HLCS: variants seen among roughly 807,000 people sequenced by gnomAD.
The protein encoded by HLCS is biotin--protein ligase.
A neutral mutation model predicts 75.0 loss-of-function variants in HLCS; 53 were observed. The ratio of observed to expected loss-of-function variants is 0.71; its 90% confidence interval spans 0.57 to 0.89. The LOEUF (loss-of-function observed/expected upper bound fraction) is 0.89. Ranked by LOEUF, HLCS falls within the 40% of genes least tolerant of loss-of-function variation. The pLI, the probability that HLCS is intolerant of heterozygous loss-of-function variation, is 0.00. For synonymous variants in HLCS, 431 were observed against 428.6 expected, an observed-to-expected ratio of 1.01 and a Z score of -0.07; for missense variants, 966 against 1,074.0, an observed-to-expected ratio of 0.90 and a Z score of 1.41.
chr21:36,825,733 C>T (rs1165939173), intron 6 of HLCS, among the ~76,000 whole-genome samples: 4 of 152,184 alleles, frequency 2.6e-5, no homozygotes, highest in South Asian at 4.1e-4. Context: ...CATCTCCAGA[C>T]GTCGGCAATG....
At chr21:36,854,413 A>G (rs901740502) in intron 6 of HLCS, among the ~76,000 whole-genome samples, 14 of 152,208 alleles carry the variant, frequency 9.2e-5, no homozygotes, top group Non-Finnish European at 1.8e-4. Flanking sequence ...ATGCTCATTT[A>G]AAAAGCTCAT....
intron 6 of HLCS, among the ~76,000 whole-genome samples, chr21:36,785,314 G>C (rs1428685813): frequency 1.3e-5 from 2 of 152,144 alleles, no homozygotes; most frequent in Admixed American, 6.5e-5. Flanking sequence ...TTCAGGCAGG[G>C]CTTTGCTCCA....
chr21:36,942,256 G>A (rs1051257460), intron 2 of HLCS, among the ~76,000 whole-genome samples: 7 of 151,992 alleles, frequency 4.6e-5, no homozygotes, highest in South Asian at 2.1e-4. Context: ...ATAGAGAAGC[G>A]TTAAAGACCT....
At chr21:36,916,077 C>T (rs944473792) in intron 5 of HLCS, among the ~76,000 whole-genome samples, 2 of 152,098 alleles carry the variant, frequency 1.3e-5, no homozygotes, top group Non-Finnish European at 2.9e-5. Flanking sequence ...GCTTGCATGA[C>T]AGTTTAATGG....
intron 1 of HLCS, among the ~76,000 whole-genome samples, chr21:36,977,162 T>C (rs987757517): frequency 2.6e-5 from 4 of 151,954 alleles, no homozygotes; most frequent in African/African-American, 7.3e-5. Flanking sequence ...CGGTCACAAA[T>C]TTTTTCTCTG....
At chr21:36,941,878 G>C (rs1478513147) in intron 2 of HLCS, among the ~76,000 whole-genome samples, 2 of 152,114 alleles carry the variant, frequency 1.3e-5, no homozygotes, top group African/African-American at 4.8e-5. Flanking sequence ...GTGCTGGCGG[G>C]TGCCTGTAAT....
chr21:36,903,265 GGAA>G (rs1601687935), intron 5 of HLCS, among the ~76,000 whole-genome samples: 1 of 151,928 alleles, frequency 6.6e-6, no homozygotes, highest in South Asian at 2.1e-4. Flanking sequence ...ATACTCTATT[GGAA>G]GAAGAAGAAG....
chr21:36,966,423 C>CCGG, intron 1 of HLCS, 21 bp downstream of exon 1: 3 of 458,622 alleles, frequency 6.5e-6, no homozygotes, highest in Non-Finnish European at 8.6e-6. Context: ...CCCGGGTCGC[C>CCGG]CGCCCGCCCG....
At position 36,896,929 on chromosome 21, in the gene HLCS, T is replaced by C; in HGVS notation, c.1823A>G (p.Gln608Arg). The C allele has an allele frequency of 1.2e-6, 2 of 1,614,206 alleles. No homozygotes were observed. Among genetic ancestry groups the C allele is most frequent in the Non-Finnish European group, 1.7e-6 (2 of 1,180,034 alleles). Residue 608 changes from glutamine (Q) to arginine (R), a missense_variant, in exon 6 of 11, where the codon CAG (glutamine) becomes CGG (arginine). Physicochemically the swap from Gln to Arg is conservative, Grantham distance 43. Transcript: ENST00000674895. ...FNLEIYRQNL[Q>R]TKQLGKVILF... is the part of the protein sequence containing the mutation. Reference sequence around the variant, plus strand: ...AATTACTTTCCCCAACTGCTTGGTCTGCAGATTTTGGCGATAGATCTCTAA... The same window carrying C: ...AATTACTTTCCCCAACTGCTTGGTCCGCAGATTTTGGCGATAGATCTCTAA...
intron 6 of HLCS, among the ~76,000 whole-genome samples, chr21:36,770,537 ATT>A: frequency 6.6e-6 from 1 of 151,142 alleles, no homozygotes; most frequent in East Asian, 1.9e-4. Flanking sequence ...CTATATTAAG[ATT>A]TTTTTTCTTT....
intron 6 of HLCS, among the ~76,000 whole-genome samples, chr21:36,862,936 T>C (rs2063429030): frequency 6.9e-6 from 1 of 145,890 alleles, no homozygotes; most frequent in South Asian, 2.2e-4. Context: ...TTGTCATTTC[T>C]CTTTCTCTCT....
chr21:36,966,712 G>T, upstream of HLCS: 5 of 759,264 alleles, frequency 6.6e-6, no homozygotes, highest in Non-Finnish European at 8.0e-6. Context: ...CGCCCCGGCC[G>T]GAAGGGCCGC....
intron 6 of HLCS, among the ~76,000 whole-genome samples, chr21:36,785,820 T>A (rs935381645): frequency 6.6e-6 from 1 of 152,214 alleles, no homozygotes; most frequent in African/African-American, 2.4e-5. Flanking sequence ...GCTTTAGGAC[T>A]CTGGATCTCA....
At chr21:36,962,313 A>C (rs1239621327) in intron 1 of HLCS, 143 bp from the exon 2 acceptor site, 2 of 475,336 alleles carry the variant, frequency 4.2e-6, no homozygotes, top group East Asian at 7.1e-5. Context: ...TGCAGGCCGC[A>C]GGAACCGTGT....
At chr21:36,900,229 C>T (rs1282200910) in intron 5 of HLCS, among the ~76,000 whole-genome samples, 1 of 152,082 alleles carries the variant, frequency 6.6e-6, no homozygotes, top group African/African-American at 2.4e-5. Flanking sequence ...GAGAGGGAGG[C>T]CACTTCAGAC....
At chr21:36,757,507 G>A (rs761886028) in intron 9 of HLCS, among the ~76,000 whole-genome samples, 22 of 152,124 alleles carry the variant, frequency 1.4e-4, no homozygotes, top group Admixed American at 1.0e-3. Flanking sequence ...ATCGGCCTGC[G>A]AGAGGTCTTC....
chr21:36,940,494 A>AT (rs1241126672), intron 2 of HLCS, among the ~76,000 whole-genome samples: 1 of 152,074 alleles, frequency 6.6e-6, no homozygotes, highest in Non-Finnish European at 1.5e-5. Context: ...TATTTTAGAT[A>AT]TTGGTGGGCT....
Position 36,753,864 on chromosome 21 carries a change from A to G in HLCS, c.*382T>C, listed in dbSNP as rs1339975591. ...TCACCACTGGCCTGGGCGCAAGAGC[A>G]TATTTTGGTTTGTTTTTTCATAGAC... On this transcript the variant is annotated 3_prime_UTR_variant, in exon 11 of 11. Transcript: ENST00000674895. The surrounding 1 kb of genome is among the most constrained non-coding windows in gnomAD (Gnocchi z 4.3). 5.9e-6 allele frequency: 2 copies of G among 336,202 alleles called. No homozygotes were observed. The highest frequency in any genetic ancestry group is 2.6e-5 in the South Asian group (1 of 38,456). 20.8% of individuals were successfully genotyped at this position (336,202 alleles called of 1,614,324 possible).
intron 6 of HLCS, among the ~76,000 whole-genome samples, chr21:36,833,001 T>A (rs111873156): frequency 0.011 from 1,705 of 151,908 alleles, 23 homozygotes; most frequent in African/African-American, 0.038. Context: ...GGGAATACCA[T>A]GAGACAGAGG....
Sources: gnomAD v4.1 joint callset for allele counts (sites outside exome capture counted in the v4.1 genomes callset) on GRCh38, gnomAD v4.1.1 for gene constraint, Gnocchi (gnomAD v3.1) non-coding constraint, MANE v1.5 for transcripts, NCBI Gene and HGNC (gene_info 2026-07-23, HGNC 2026-07-21) for gene names.